PRPSAP1: variants seen among roughly 807,000 people sequenced by gnomAD.
PRPSAP1 encodes the protein phosphoribosyl pyrophosphate synthase-associated protein 1.
Under a neutral mutation model 39.4 loss-of-function variants are expected in PRPSAP1, and 31 were observed. The ratio of observed to expected loss-of-function variants is 0.79; its 90% CI spans 0.59 to 1.06. The LOEUF (loss-of-function observed/expected upper bound fraction) is 1.06. Ranked by LOEUF, PRPSAP1 falls within the 50% of genes least tolerant of loss-of-function variation. The pLI is 0.00. For synonymous variants in PRPSAP1, 212 were observed against 192.6 expected (o/e 1.10, Z -0.83); for missense variants, 430 against 511.6 (o/e 0.84, Z 1.54).
chr17:76,313,902 A>G lies in PRPSAP1; in HGVS notation c.782-11T>C. 1 of 1,613,926 alleles carries G rather than the reference A, an allele frequency of 6.2e-7. No homozygotes were observed. Among genetic ancestry groups the G allele is most frequent in the African/African-American group, 1.3e-5 (1 of 75,050 alleles). ...CTTTGGCCATCATCACTAGCAAAAC[A>G]AAACAAATTACAAGATCTCAGTCAT... is the stretch of plus-strand genomic sequence containing the variant. On this transcript the variant is annotated splice_polypyrimidine_tract_variant and intron_variant, in intron 7 of 9. Coordinates refer to ENST00000446526, the MANE Select transcript of PRPSAP1 (RefSeq NM_002766.3).
chr17:76,332,586 G>A, intron 3 of PRPSAP1, 151 bp from the exon 4 acceptor site: 2 of 898,400 alleles, frequency 2.2e-6, no homozygotes, highest in South Asian at 1.7e-5. Context: ...CATGAAGGCA[G>A]GGGAAGCTTT....
In PRPSAP1 at chr17:76,347,406, G is replaced by A. The variant is rs1311976125; in HGVS notation, c.223+1123C>T. Among the ~76,000 whole-genome samples, 5 of 142,236 alleles carry A rather than the reference G, an allele frequency of 3.5e-5. No individual in the cohort carries two copies. The East Asian group carries it at 1.1e-3, about 31-fold the overall frequency. 93.3% of individuals were successfully genotyped at this position (142,236 alleles called of 152,430 possible). On this transcript the variant is annotated intron_variant, in intron 2 of 9. Transcript: ENST00000446526. ...GGAGGCTGAGGCAAGAGGATTGCTT[G>A]AACCTGGGAGGTGGAGGTTGCAGTG... is the stretch of plus-strand genomic sequence containing the variant.
Position 76,312,944 on chromosome 17 carries a change from T to C in PRPSAP1, c.925A>G (p.Ile309Val). The change falls in exon 9 of 10, where the codon ATC (isoleucine) becomes GTC (valine). Residue 309 changes from isoleucine (I) to valine (V), a missense_variant. By Grantham distance (29) the Ile-to-Val change is conservative (BLOSUM62 3). Around this residue, in one of 2 missense-constraint regions of PRPSAP1, gnomAD observed 278 missense variants for 376.3 expected, o/e 0.74. Coordinates refer to ENST00000446526, the MANE Select transcript of PRPSAP1 (RefSeq NM_002766.3). ...EILKERGAYKIYVMATHGILS... is the reference protein window; with the variant it reads ...EILKERGAYKVYVMATHGILS... Reference sequence around the variant, plus strand: ...ATGCCGTGGGTGGCCATAACATAGATCTTATAGGCGCCTCTCTCTTTCAGG... The same window carrying C: ...ATGCCGTGGGTGGCCATAACATAGACCTTATAGGCGCCTCTCTCTTTCAGG... The C allele has an allele frequency of 6.2e-7, 1 of 1,614,128 alleles. No homozygotes were observed. The highest frequency in any genetic ancestry group is 1.3e-5 in the African/African-American group (1 of 75,052).
At chr17:76,329,258 G>A (rs1289384550) in intron 6 of PRPSAP1, among the ~76,000 whole-genome samples, 1 of 151,934 alleles carries the variant, frequency 6.6e-6, no homozygotes, top group East Asian at 1.9e-4. Context: ...TTGTAGAGAC[G>A]GGGTCTATGT....
chr17:76,333,478 C>T (rs1420530106), intron 3 of PRPSAP1, among the ~76,000 whole-genome samples: 1 of 151,994 alleles, frequency 6.6e-6, no homozygotes, highest in African/African-American at 2.4e-5. Flanking sequence ...AACCTTGTCT[C>T]TACTAAAAAT....
intron 3 of PRPSAP1, chr17:76,337,481 T>C (rs1405185158): frequency 6.6e-6 from 1 of 152,320 alleles, no homozygotes; most frequent in Non-Finnish European, 1.5e-5. Context: ...AGGCATGGTA[T>C]ACGCATTCAT....
rs151088065 is a variant in PRPSAP1 at position 76,346,351 on chromosome 17, G to C, written c.224-1614C>G. Among the ~76,000 whole-genome samples, 304 of 152,254 alleles carry C rather than the reference G, an allele frequency of 2.0e-3. 1 individual carries two copies. The highest frequency in any genetic ancestry group is 7.2e-3 in the African/African-American group (300 of 41,554). ...GACTTCCTCTCGGCTCCCAGGAAGAGGGGCTCCCTGACTTTGACACACATG... is the reference window on the plus strand; with the variant it reads ...GACTTCCTCTCGGCTCCCAGGAAGACGGGCTCCCTGACTTTGACACACATG... On this transcript the variant is annotated intron_variant, in intron 2 of 9. Coordinates refer to ENST00000446526, the MANE Select transcript of PRPSAP1 (RefSeq NM_002766.3).
At chr17:76,351,957 CAGAA>C (rs943252248) in intron 1 of PRPSAP1, among the ~76,000 whole-genome samples, 4 of 151,836 alleles carry the variant, frequency 2.6e-5, no homozygotes, top group South Asian at 2.1e-4. Context: ...TCGTTGGCCT[CAGAA>C]AGAAAGACAA....
At chr17:76,332,677 T>C (rs372106696) in intron 3 of PRPSAP1, among the ~76,000 whole-genome samples, 1 of 152,070 alleles carries the variant, frequency 6.6e-6, no homozygotes, top group Admixed American at 6.6e-5. Flanking sequence ...ACCCTCACAT[T>C]TGCCTGGGTC....
chr17:76,345,179 G>A (rs1163924498), intron 2 of PRPSAP1, among the ~76,000 whole-genome samples: 1 of 143,314 alleles, frequency 7.0e-6, no homozygotes, highest in African/African-American at 2.6e-5. Flanking sequence ...AGCTTGCAGT[G>A]AGCCGAGATC....
intron 3 of PRPSAP1, among the ~76,000 whole-genome samples, chr17:76,341,671 G>A (rs879715630): frequency 1.3e-5 from 2 of 152,236 alleles, no homozygotes; most frequent in Non-Finnish European, 2.9e-5. Context: ...TGGGCACCGT[G>A]GCTCACGCCT....
chr17:76,347,515 AAGC>A (rs898614362), intron 2 of PRPSAP1, among the ~76,000 whole-genome samples: 10 of 150,106 alleles, frequency 6.7e-5, no homozygotes, highest in Non-Finnish European at 1.3e-4. Flanking sequence ...AAAAAAAAGA[AAGC>A]AGACAGAGTG....
intron 7 of PRPSAP1, among the ~76,000 whole-genome samples, chr17:76,325,512 C>T (rs1246296456): frequency 6.7e-6 from 1 of 150,162 alleles, no homozygotes; most frequent in African/African-American, 2.4e-5. Flanking sequence ...TCCCAACTTT[C>T]AACAACCACC....
chr17:76,317,510 G>A (rs76222204), intron 7 of PRPSAP1, among the ~76,000 whole-genome samples: 15 of 152,182 alleles, frequency 9.9e-5, no homozygotes, highest in African/African-American at 3.1e-4. Context: ...GTGACAGAAC[G>A]AGACTCCATC....
At chr17:76,323,669 G>A (rs2071222221) in intron 7 of PRPSAP1, among the ~76,000 whole-genome samples, 1 of 151,792 alleles carries the variant, frequency 6.6e-6, no homozygotes, top group Non-Finnish European at 1.5e-5. Context: ...TGATAAAACT[G>A]TAATGGATAA....
chr17:76,339,897 C>T (rs1054304443), intron 3 of PRPSAP1, among the ~76,000 whole-genome samples: 3 of 151,560 alleles, frequency 2.0e-5, no homozygotes, highest in Non-Finnish European at 2.9e-5. Flanking sequence ...CTCGGGAGGC[C>T]GGGGCAAGCA....
chr17:76,341,801 T>A (rs2071442398), intron 3 of PRPSAP1, among the ~76,000 whole-genome samples: 3 of 151,896 alleles, frequency 2.0e-5, no homozygotes, highest in Admixed American at 2.0e-4. Context: ...TAGCCGGGCG[T>A]GGTGGTGGGC....
intron 3 of PRPSAP1, among the ~76,000 whole-genome samples, chr17:76,334,821 C>G (rs2071361727): frequency 6.6e-6 from 1 of 152,156 alleles, no homozygotes; most frequent in Non-Finnish European, 1.5e-5. Flanking sequence ...AGTCTGGCAT[C>G]AAAAGGTCAG....
Position 76,311,634 on chromosome 17 carries a change from C to T in PRPSAP1, c.1066G>A (p.Asp356Asn). The T allele has an allele frequency of 1.2e-6, 2 of 1,614,194 alleles. No homozygotes were observed. The highest frequency in any genetic ancestry group is 1.7e-6 in the Non-Finnish European group (2 of 1,180,030). Residue 356 changes from aspartate (D) to asparagine (N), a missense_variant, in exon 10 of 10, where the codon GAT becomes AAT. Coordinates refer to ENST00000446526, the MANE Select transcript of PRPSAP1 (RefSeq NM_002766.3). ...KLQCPKIKTV[D>N]ISLILSEAIR... is the part of the protein sequence containing the mutation. ...GCTTCAGAAAGAATCAAACTGATAT[C>T]CACAGTCTTTATCTTGGGACATTGC...
Sources: gnomAD v4.1 joint callset for allele counts (sites outside exome capture counted in the v4.1 genomes callset) on GRCh38, gnomAD v4.1.1 for gene constraint, gnomAD v4.1.1 regional missense constraint, MANE v1.5 for transcripts, NCBI Gene and HGNC (gene_info 2026-07-23, HGNC 2026-07-21) for gene names.